Variants in GNA14 observed in about 807,000 individuals in gnomAD.
GNA14 encodes guanine nucleotide-binding protein subunit alpha-14.
Under a neutral mutation model 42.0 loss-of-function variants are expected in GNA14, and 50 were observed. The observed-to-expected ratio is 1.19, with a 90% confidence interval of 0.95 to 1.51. The LOEUF (loss-of-function observed/expected upper bound fraction) is 1.51. GNA14 is among the 40% of genes most tolerant of loss of function. The probability of loss-of-function intolerance (pLI) is 0.00; values close to 1 mark genes in which losing one functional copy is unlikely to be tolerated. For missense variants in GNA14, 473 were observed against 446.2 expected (o/e 1.06, Z -0.54); for synonymous variants, 173 against 163.1 (o/e 1.06, Z -0.46).
intron 1 of GNA14, among the ~76,000 whole-genome samples, chr9:77,618,598 A>ATGTATG (rs1227734420): frequency 2.2e-4 from 6 of 27,382 alleles, no homozygotes; most frequent in African/African-American, 8.9e-4. Context: ...ATATATATAT[A>ATGTATG]TATATATATA....
At chr9:77,513,701 GGT>G (rs1837206039) in intron 2 of GNA14, among the ~76,000 whole-genome samples, 1 of 152,146 alleles carries the variant, frequency 6.6e-6, no homozygotes, top group Non-Finnish European at 1.5e-5. Context: ...TGCCCTGCTG[GGT>G]GAGGCCTGAG....
At chr9:77,618,603 TATA>T (rs1823864461) in intron 1 of GNA14, among the ~76,000 whole-genome samples, 5 of 12,258 alleles carry the variant, frequency 4.1e-4, no homozygotes, top group African/African-American at 1.4e-3. Flanking sequence ...TATATATATA[TATA>T]TATATATATA....
chr9:77,531,983 C>T (rs1055199603), intron 1 of GNA14, among the ~76,000 whole-genome samples: 10 of 152,000 alleles, frequency 6.6e-5, no homozygotes, highest in African/African-American at 1.2e-4. Context: ...AAACCAAATG[C>T]GGAGCAAAAG....
chr9:77,567,446 C>A (rs1822984013), intron 1 of GNA14, among the ~76,000 whole-genome samples: 1 of 152,194 alleles, frequency 6.6e-6, no homozygotes, highest in Non-Finnish European at 1.5e-5. Context: ...ATCCTGAATT[C>A]ATTCTCAGTA....
rs151046181 is a variant in GNA14 at position 77,485,202 on chromosome 9, A to T, written c.309+43867T>A. Among the ~76,000 whole-genome samples the T allele has an allele frequency of 3.3e-5, 5 of 152,288 alleles. No individual in the cohort carries two copies. The East Asian group carries it at 9.6e-4, about 29-fold the overall frequency. ...ATCAACTAAACTTATATAATACTCT[A>T]AATCTTTTGTTGTCATTTCAAAAAT... On this transcript the variant is annotated intron_variant, in intron 2 of 6. Coordinates refer to ENST00000341700, the MANE Select transcript of GNA14 (RefSeq NM_004297.4).
At chr9:77,555,744 C>T (rs113931522) in intron 1 of GNA14, among the ~76,000 whole-genome samples, 41 of 152,226 alleles carry the variant, frequency 2.7e-4, no homozygotes, top group African/African-American at 8.4e-4. Context: ...CATTAGTAAC[C>T]GTGAATAACT....
At chr9:77,541,240 C>A (rs1289472578) in intron 1 of GNA14, among the ~76,000 whole-genome samples, 2 of 152,152 alleles carry the variant, frequency 1.3e-5, no homozygotes, top group African/African-American at 4.8e-5. Flanking sequence ...GTCATAAATT[C>A]TCTCAGCATT....
chr9:77,449,691 C>T (rs535810879), intron 2 of GNA14, among the ~76,000 whole-genome samples: 49 of 152,316 alleles, frequency 3.2e-4, no homozygotes, highest in African/African-American at 1.1e-3. Context: ...AAATTCTCCC[C>T]CAATTCCCTG....
intron 2 of GNA14, among the ~76,000 whole-genome samples, chr9:77,463,203 C>T (rs1002554382): frequency 9.2e-5 from 14 of 152,174 alleles, no homozygotes; most frequent in African/African-American, 3.4e-4. Flanking sequence ...AACTCCCACA[C>T]CAGTAAGTAG....
chr9:77,537,642 T>G (rs988518976), intron 1 of GNA14, among the ~76,000 whole-genome samples: 1 of 152,246 alleles, frequency 6.6e-6, no homozygotes, highest in Non-Finnish European at 1.5e-5. Context: ...TTTGAGTTGT[T>G]GGAGAATTCT....
At chr9:77,477,002 G>T (rs1044678553) in intron 2 of GNA14, among the ~76,000 whole-genome samples, 1 of 152,146 alleles carries the variant, frequency 6.6e-6, no homozygotes, top group African/African-American at 2.4e-5. Context: ...TCTGTAATTT[G>T]CTCCCTCAGC....
At chr9:77,583,238 G>A (rs983908558) in intron 1 of GNA14, among the ~76,000 whole-genome samples, 1 of 152,146 alleles carries the variant, frequency 6.6e-6, no homozygotes, top group African/African-American at 2.4e-5. Flanking sequence ...GACTGAGTTC[G>A]GATATAAGGG....
chr9:77,595,092 A>G (rs1280353236), intron 1 of GNA14, among the ~76,000 whole-genome samples: 1 of 152,190 alleles, frequency 6.6e-6, no homozygotes, highest in East Asian at 1.9e-4. Flanking sequence ...ACAGAATGCT[A>G]TAGGGTGGAG....
chr9:77,451,311 T>G (rs1465471021), intron 2 of GNA14, among the ~76,000 whole-genome samples: 1 of 152,212 alleles, frequency 6.6e-6, no homozygotes, highest in Non-Finnish European at 1.5e-5. Flanking sequence ...AACGTATTTT[T>G]TAATTATAAA....
At chr9:77,643,014 C>T (rs62574867) in intron 1 of GNA14, among the ~76,000 whole-genome samples, 3,340 of 152,246 alleles carry the variant, frequency 0.022, 47 homozygotes, top group African/African-American at 0.043. Flanking sequence ...TCCCCCTTTA[C>T]GCTCTGCCTG....
At chr9:77,500,210 G>T (rs894127094) in intron 2 of GNA14, among the ~76,000 whole-genome samples, 6 of 151,912 alleles carry the variant, frequency 3.9e-5, no homozygotes, top group Admixed American at 6.6e-5. Context: ...TAGAGACGGG[G>T]TTTGACCATA....
At chr9:77,620,229 T>G (rs1490582571) in intron 1 of GNA14, among the ~76,000 whole-genome samples, 1 of 152,210 alleles carries the variant, frequency 6.6e-6, no homozygotes, top group East Asian at 1.9e-4. Flanking sequence ...TCCAGCCTTT[T>G]CATTTTACTG....
At chr9:77,487,620 T>C (rs1328456424) in intron 2 of GNA14, among the ~76,000 whole-genome samples, 1 of 152,316 alleles carries the variant, frequency 6.6e-6, no homozygotes, top group East Asian at 1.9e-4. Context: ...AAAACACAGA[T>C]AGGCACTACT....
chr9:77,617,124 C>T (rs1357570524), intron 1 of GNA14, among the ~76,000 whole-genome samples: 3 of 152,112 alleles, frequency 2.0e-5, no homozygotes, highest in Non-Finnish European at 4.4e-5. Context: ...CCCACCTTGG[C>T]CTCCCAAAGT....
Sources: gnomAD v4.1 joint callset for allele counts (sites outside exome capture counted in the v4.1 genomes callset) on GRCh38, gnomAD v4.1.1 for gene constraint, MANE v1.5 for transcripts, NCBI Gene and HGNC (gene_info 2026-07-23, HGNC 2026-07-21) for gene names.